CADM2: variants seen among roughly 807,000 people sequenced by gnomAD.
CADM2 encodes the protein cell adhesion molecule 2, also known as immunoglobulin superfamily member 4D.
In CADM2, 12 loss-of-function variants were observed where a neutral mutation model predicts 49.8. The observed-to-expected ratio is 0.24, with a 90% confidence interval of 0.15 to 0.39. The LOEUF (loss-of-function observed/expected upper bound fraction) is 0.39, where lower values mean the gene tolerates loss of function less well. Among genes scored for constraint, CADM2 ranks in the 10% least tolerant of loss-of-function variants. The probability of loss-of-function intolerance (pLI) is 1.00; values close to 1 mark genes in which losing one functional copy is unlikely to be tolerated. For synonymous variants in CADM2, 214 were observed against 175.4 expected (o/e 1.22, Z -1.74); for missense variants, 378 against 492.3 (o/e 0.77, Z 2.20).
intron 7 of CADM2, among the ~76,000 whole-genome samples, chr3:85,940,150 C>G (rs1721693959): frequency 9.0e-6 from 1 of 111,266 alleles, no homozygotes; most frequent in Admixed American, 1.2e-4. Context: ...GAAACCCCAT[C>G]TCTACTAAAA....
chr3:85,982,883 G>C (rs974053915), intron 8 of CADM2, among the ~76,000 whole-genome samples: 1 of 151,314 alleles, frequency 6.6e-6, no homozygotes, highest in African/African-American at 2.4e-5. Flanking sequence ...ATTTCTTTTT[G>C]GTTTACTTAT....
chr3:85,708,073 G>A (rs1352397335), intron 1 of CADM2, among the ~76,000 whole-genome samples: 2 of 152,144 alleles, frequency 1.3e-5, no homozygotes, highest in African/African-American at 4.8e-5. Flanking sequence ...CTAAGCGTAG[G>A]AACGGAATTT....
intron 1 of CADM2, among the ~76,000 whole-genome samples, chr3:85,097,953 T>G (rs1260345624): frequency 6.6e-6 from 1 of 152,212 alleles, no homozygotes; most frequent in Non-Finnish European, 1.5e-5. Context: ...ATATAAATTG[T>G]ACCTGAGGAT....
At chr3:85,484,514 T>C (rs927317260) in intron 1 of CADM2, among the ~76,000 whole-genome samples, 1 of 151,936 alleles carries the variant, frequency 6.6e-6, no homozygotes, top group African/African-American at 2.4e-5. Flanking sequence ...GTATTCTATA[T>C]AGAGCCAACA....
intron 1 of CADM2, among the ~76,000 whole-genome samples, chr3:85,446,540 A>G (rs2037458473): frequency 6.6e-6 from 1 of 151,658 alleles, no homozygotes; most frequent in Non-Finnish European, 1.5e-5. Flanking sequence ...GCATTTGAAG[A>G]TAAGGATAAA....
chr3:85,414,866 CAT>C (rs1292507411), intron 1 of CADM2, among the ~76,000 whole-genome samples: 1 of 152,142 alleles, frequency 6.6e-6, no homozygotes, highest in Non-Finnish European at 1.5e-5. Context: ...CTCCTTCAAA[CAT>C]AAAGTATCTA....
chr3:85,245,504 C>T (rs920635475), intron 1 of CADM2, among the ~76,000 whole-genome samples: 2 of 146,484 alleles, frequency 1.4e-5, no homozygotes, highest in Non-Finnish European at 3.0e-5. Context: ...GATTGAGGCT[C>T]TGTCTCAAAA....
chr3:85,137,758 C>T (rs906704773), intron 1 of CADM2, among the ~76,000 whole-genome samples: 1 of 151,984 alleles, frequency 6.6e-6, no homozygotes, highest in Non-Finnish European at 1.5e-5. Flanking sequence ...TGTATTAAAG[C>T]TTATCCTAAT....
chr3:84,973,834 G>A (rs1216704150), intron 1 of CADM2, among the ~76,000 whole-genome samples: 5 of 152,014 alleles, frequency 3.3e-5, no homozygotes, highest in African/African-American at 1.2e-4. Context: ...CATCATGCTT[G>A]GTTAAAACCT....
intron 1 of CADM2, among the ~76,000 whole-genome samples, chr3:85,664,124 A>G (rs765368111): frequency 2.0e-5 from 3 of 151,698 alleles, no homozygotes; most frequent in Non-Finnish European, 4.4e-5. Flanking sequence ...CTTCTCAACT[A>G]CTGTATCTCT....
chr3:85,006,527 T>G (rs997380858), intron 1 of CADM2, among the ~76,000 whole-genome samples: 4 of 152,172 alleles, frequency 2.6e-5, no homozygotes, highest in Non-Finnish European at 4.4e-5. Context: ...AAGTCTAACT[T>G]TCTAGAATGC....
At chr3:85,882,953 G>C (rs1713032160) in intron 3 of CADM2, among the ~76,000 whole-genome samples, 1 of 152,118 alleles carries the variant, frequency 6.6e-6, no homozygotes, top group South Asian at 2.1e-4. Context: ...TTTGTTTATA[G>C]CTTTTCTTGG....
intron 1 of CADM2, among the ~76,000 whole-genome samples, chr3:85,504,874 G>A (rs1180310711): frequency 6.6e-6 from 1 of 152,156 alleles, no homozygotes; most frequent in African/African-American, 2.4e-5. Context: ...CGGTGGGCCG[G>A]CACTGCTGGG....
intron 1 of CADM2, among the ~76,000 whole-genome samples, chr3:85,384,689 G>A (rs988489595): frequency 8.3e-4 from 126 of 151,930 alleles, no homozygotes; most frequent in African/African-American, 2.9e-3. Flanking sequence ...GTGTGTGTGT[G>A]TGTGAGTGTA....
At chr3:85,359,658 A>AT (rs1472399629) in intron 1 of CADM2, among the ~76,000 whole-genome samples, 3 of 17,460 alleles carry the variant, frequency 1.7e-4, no homozygotes, top group Non-Finnish European at 5.6e-4. Flanking sequence ...ATATATATAT[A>AT]TATATATATT....
At chr3:86,055,848 T>A (rs1192316288) in intron 8 of CADM2, among the ~76,000 whole-genome samples, 1 of 152,100 alleles carries the variant, frequency 6.6e-6, no homozygotes, top group Non-Finnish European at 1.5e-5. Flanking sequence ...AGGTACCTAT[T>A]CTCATTTATA....
intron 2 of CADM2, among the ~76,000 whole-genome samples, chr3:85,735,458 A>T (rs917656042): frequency 6.6e-5 from 10 of 152,164 alleles, no homozygotes; most frequent in Non-Finnish European, 1.5e-4. Context: ...GAATGGAGAC[A>T]CAGGTCATGT....
intron 1 of CADM2, among the ~76,000 whole-genome samples, chr3:85,500,797 G>A (rs2040083989): frequency 6.6e-6 from 1 of 152,124 alleles, no homozygotes. Flanking sequence ...GATTACAGGT[G>A]TGAGCCACCG....
chr3:86,065,855 G>C, intron 9 of CADM2, 125 bp downstream of exon 9: 1 of 891,236 alleles, frequency 1.1e-6, no homozygotes, highest in Non-Finnish European at 1.6e-6. Flanking sequence ...AGAGAGAAAT[G>C]CTAAATTATT....
Sources: gnomAD v4.1 joint callset for allele counts (sites outside exome capture counted in the v4.1 genomes callset) on GRCh38, gnomAD v4.1.1 for gene constraint, MANE v1.5 for transcripts, NCBI Gene and HGNC (gene_info 2026-07-23, HGNC 2026-07-21) for gene names.